PI4KA: variants seen among roughly 807,000 people sequenced by gnomAD.
PI4KA encodes the protein PI4-kinase alpha.
Under a neutral mutation model 271.4 loss-of-function variants are expected in PI4KA, and 122 were observed. That is an observed-to-expected ratio of 0.45 (90% CI 0.39 to 0.52). The LOEUF (loss-of-function observed/expected upper bound fraction) is 0.52. PI4KA is among the 20% of genes least tolerant of loss of function. The pLI is 0.00. For synonymous variants in PI4KA, 1,041 were observed against 1,078.8 expected (o/e 0.96, Z 0.69); for missense variants, 1,969 against 2,769.1 (o/e 0.71, Z 6.48).
rs1460938685 is a variant in PI4KA at position 20,734,165 on chromosome 22, C to T, written c.3930G>A (p.Lys1310=). ...DFLVQRFEIA[K]YCSSDQVEIF... ...TCTCCACTTGGTCAGAGCTGCAGTA[C>T]TTGGCGATCTCAAACCGCTGCACCA... Residue 1310 remains lysine, a synonymous_variant, in exon 34 of 55, where the codon AAG becomes AAA. Coordinates refer to ENST00000255882, the MANE Select transcript of PI4KA (RefSeq NM_058004.4). The T allele has an allele frequency of 3.2e-6, 5 of 1,548,522 alleles. No homozygotes were observed. Among genetic ancestry groups the T allele is most frequent in the Non-Finnish European group, 4.4e-6 (5 of 1,147,070 alleles).
intron 3 of PI4KA, among the ~76,000 whole-genome samples, chr22:20,833,783 C>G (rs956200047): frequency 8.6e-5 from 13 of 151,878 alleles, no homozygotes; most frequent in Non-Finnish European, 1.6e-4. Flanking sequence ...CCTCAGCCTC[C>G]CGAGTAGCTG....
chr22:20,743,287 G>C (rs866689593), intron 30 of PI4KA, among the ~76,000 whole-genome samples: 8 of 151,464 alleles, frequency 5.3e-5, no homozygotes, highest in Admixed American at 2.0e-4. Context: ...CTGGATTACA[G>C]GCATGCGCCA....
intron 18 of PI4KA, among the ~76,000 whole-genome samples, chr22:20,793,606 A>G (rs532124649): frequency 1.3e-5 from 2 of 152,358 alleles, no homozygotes; most frequent in East Asian, 3.9e-4. Flanking sequence ...AGACTATGCT[A>G]TGATTCAATC....
At chr22:20,712,417 C>G (rs1390409104) in intron 50 of PI4KA, 69 bp downstream of exon 50, 3 of 1,585,596 alleles carry the variant, frequency 1.9e-6, no homozygotes, top group East Asian at 4.6e-5. Flanking sequence ...TGGGTGGAGG[C>G]TGGGTATGGG....
chr22:20,804,922 G>T, intron 11 of PI4KA, 52 bp downstream of exon 11: 1 of 1,428,156 alleles, frequency 7.0e-7, no homozygotes, highest in Non-Finnish European at 9.6e-7. Flanking sequence ...TGGCAAGAAA[G>T]CCTCTGGGTC....
intron 2 of PI4KA, among the ~76,000 whole-genome samples, 179 bp downstream of exon 2, chr22:20,838,433 TAAG>T (rs1408099208): frequency 6.6e-6 from 1 of 152,224 alleles, no homozygotes; most frequent in Non-Finnish European, 1.5e-5. Context: ...TCAAATTTTC[TAAG>T]AAGGTTTACA....
At chr22:20,774,775 A>AG (rs989991097) in intron 19 of PI4KA, among the ~76,000 whole-genome samples, 3 of 148,164 alleles carry the variant, frequency 2.0e-5, no homozygotes, top group Admixed American at 6.8e-5. Flanking sequence ...AAAAAAAAAA[A>AG]GAAGAAAAAA....
Position 20,798,621 on chromosome 22 carries a change from A to G in PI4KA, c.2071T>C (p.Tyr691His). The change falls in exon 17 of 55, where the codon TAC (tyrosine) becomes CAC (histidine). Residue 691 changes from tyrosine to histidine, a missense_variant. Tyr to His is a moderately conservative substitution (Grantham distance 83). This residue lies in a region of PI4KA where 368 missense variants were observed against 544.3 expected (regional missense o/e 0.68). Transcript: ENST00000255882. ...QISVKASSVV[Y>H]SATKDYKDHG... ...TCCTTGTAATCTTTGGTGGCTGAGT[A>G]TACAACGGAGCTGGCCTTCACACTG... The G allele has an allele frequency of 6.2e-7, 1 of 1,613,624 alleles. No homozygotes were observed. Among genetic ancestry groups the G allele is most frequent in the East Asian group, 2.2e-5 (1 of 44,886 alleles).
chr22:20,776,689 CTTGGTT>C (rs1185248750), intron 19 of PI4KA, among the ~76,000 whole-genome samples: 2 of 152,164 alleles, frequency 1.3e-5, no homozygotes, highest in African/African-American at 4.8e-5. Flanking sequence ...GCTTAACCAA[CTTGGTT>C]CGAATCTAGC....
chr22:20,797,422 A>G (rs537380147), intron 17 of PI4KA, among the ~76,000 whole-genome samples: 3 of 152,082 alleles, frequency 2.0e-5, no homozygotes, highest in Non-Finnish European at 2.9e-5. Context: ...CTCCTGGAGA[A>G]AGGGCCCAGC....
At chr22:20,854,470 G>A (rs934522332) in intron 1 of PI4KA, among the ~76,000 whole-genome samples, 1 of 152,032 alleles carries the variant, frequency 6.6e-6, no homozygotes, top group Non-Finnish European at 1.5e-5. Context: ...TAATAGGCTT[G>A]GTTTCATGGA....
intron 1 of PI4KA, among the ~76,000 whole-genome samples, chr22:20,841,879 C>G (rs1925594720): frequency 6.6e-6 from 1 of 151,952 alleles, no homozygotes; most frequent in Admixed American, 6.6e-5. Context: ...AAGGAAGGGG[C>G]CAGAAATCAA....
intron 7 of PI4KA, among the ~76,000 whole-genome samples, chr22:20,818,069 G>A (rs1287369705): frequency 2.4e-5 from 3 of 126,608 alleles, no homozygotes; most frequent in South Asian, 2.5e-4. Context: ...GGCCTGCAGT[G>A]AGCCGAGACT....
intron 23 of PI4KA, among the ~76,000 whole-genome samples, chr22:20,757,058 C>G (rs925606400): frequency 2.0e-5 from 3 of 152,220 alleles, no homozygotes; most frequent in Non-Finnish European, 2.9e-5. Context: ...CCCTCACGTT[C>G]CTGTGCAGCT....
intron 19 of PI4KA, among the ~76,000 whole-genome samples, chr22:20,776,749 GATATA>G (rs1013601063): frequency 2.3e-4 from 35 of 152,270 alleles, no homozygotes; most frequent in Admixed American, 5.2e-4. Context: ...TCAGTCTCCT[GATATA>G]TAAAATGTTG....
At chr22:20,730,579 T>C (rs1450259219) in intron 36 of PI4KA, among the ~76,000 whole-genome samples, 1 of 149,372 alleles carries the variant, frequency 6.7e-6, no homozygotes, top group Non-Finnish European at 1.5e-5. Context: ...CCAGCCTATG[T>C]TTTATTTTTG....
chr22:20,770,585 C>CGG (rs1569011724), intron 19 of PI4KA, among the ~76,000 whole-genome samples: 1 of 49,514 alleles, frequency 2.0e-5, no homozygotes, highest in Non-Finnish European at 3.6e-5. Context: ...CACGGACACA[C>CGG]ACACACACAC....
At chr22:20,747,830 A>ACT in intron 28 of PI4KA, 128 bp from the exon 29 acceptor site, 1 of 820,614 alleles carries the variant, frequency 1.2e-6, no homozygotes, top group South Asian at 1.8e-5. Flanking sequence ...GACCTCTTAG[A>ACT]CTCAAGCCAT....
intron 2 of PI4KA, among the ~76,000 whole-genome samples, chr22:20,836,492 A>G (rs538872951): frequency 6.6e-6 from 1 of 152,216 alleles, no homozygotes; most frequent in Non-Finnish European, 1.5e-5. Flanking sequence ...CCTGCAGAGG[A>G]AGTGGCTCCA....
Sources: gnomAD v4.1 joint callset for allele counts (sites outside exome capture counted in the v4.1 genomes callset) on GRCh38, gnomAD v4.1.1 for gene constraint, gnomAD v4.1.1 regional missense constraint, MANE v1.5 for transcripts, NCBI Gene and HGNC (gene_info 2026-07-23, HGNC 2026-07-21) for gene names.